The following PCDHGA11 variants were observed in gnomAD, a reference collection of about 807,000 sequenced individuals.
PCDHGA11 encodes the protein protocadherin gamma subfamily A, 11, also known as protocadherin gamma-A11.
PCDHGA11 carries 39 observed loss-of-function variants against 60.4 expected under a neutral mutation model. The observed-to-expected ratio is 0.65, with a 90% CI of 0.50 to 0.84. The LOEUF is 0.84. Ranked by LOEUF, PCDHGA11 falls within the 40% of genes least tolerant of loss-of-function variation. The pLI is 0.00. For synonymous variants in PCDHGA11, 533 were observed against 510.3 expected, an observed-to-expected ratio of 1.04 and a Z score of -0.60; for missense variants, 1,165 against 1,197.7, an observed-to-expected ratio of 0.97 and a Z score of 0.40.
chr5:141,460,938 A>G (rs532872249), intron 1 of PCDHGA11, among the ~76,000 whole-genome samples: 38 of 149,918 alleles, frequency 2.5e-4, no homozygotes, highest in African/African-American at 9.1e-4. Context: ...GTGTGTGTAT[A>G]TATATGTATT....
Position 141,422,395 on chromosome 5 carries a change from C to T in PCDHGA11, c.1168C>T (p.His390Tyr). Residue 390 changes from histidine to tyrosine, a missense_variant, in exon 1 of 4, where the codon CAC (histidine) becomes TAC (tyrosine). Physicochemically the swap from His to Tyr is moderately conservative, Grantham distance 83. Transcript: ENST00000398587. ...NGQVSCFIPN[H>Y]LPFKLEKTYG... is the part of the protein sequence containing the mutation. Reference sequence around the variant, plus strand: ...TCAAGTCTCCTGTTTTATTCCTAACCACCTGCCTTTTAAATTAGAAAAGAC... The same window carrying T: ...TCAAGTCTCCTGTTTTATTCCTAACTACCTGCCTTTTAAATTAGAAAAGAC... 3 of 1,596,286 alleles carry T rather than the reference C, an allele frequency of 1.9e-6. No homozygotes were observed. The highest frequency in any genetic ancestry group is 1.1e-5 in the South Asian group (1 of 87,102).
chr5:141,425,566 G>T (rs532293951), intron 1 of PCDHGA11, among the ~76,000 whole-genome samples: 1 of 152,348 alleles, frequency 6.6e-6, no homozygotes, highest in Admixed American at 6.5e-5. Context: ...TAAGTGATAA[G>T]AAGGGTTTGG....
In PCDHGA11 at chr5:141,422,898, C is replaced by CTCTG. The variant is rs747261683; in HGVS notation, c.1671_1672insTCTG (p.Asp558SerfsTer55). 4 of 1,614,250 alleles carry CTCTG rather than the reference C, an allele frequency of 2.5e-6. No homozygotes were observed. Among genetic ancestry groups the CTCTG allele is most frequent in the Non-Finnish European group, 3.4e-6 (4 of 1,180,046 alleles). Reference sequence around the variant, plus strand: ...TGAGCCTGTTCGTGCTGGACCAGAACGACAATGCGCCCGAGATCCTGTACC... The same window carrying CTCTG: ...TGAGCCTGTTCGTGCTGGACCAGAACTCTGGACAATGCGCCCGAGATCCTGTACC... On this transcript the variant is annotated frameshift_variant, in exon 1 of 4. Coordinates refer to ENST00000398587, the MANE Select transcript of PCDHGA11 (RefSeq NM_018914.3). LOFTEE classifies it high-confidence loss of function.
chr5:141,460,995 A>ATG lies in PCDHGA11; in HGVS notation c.2434-33808_2434-33807dup, dbSNP rs1561986931. Among the ~76,000 whole-genome samples the ATG allele has an allele frequency of 5.3e-5, 8 of 150,188 alleles. No homozygotes were observed. The East Asian group carries it at 1.4e-3, about 26-fold the overall frequency. On this transcript the variant is annotated intron_variant, in intron 1 of 3. Transcript: ENST00000398587. ...TGTGTGTGTGTGTGTATATATATAT[A>ATG]TGTGTATATATATATACCACATTTT...
chr5:141,427,626 C>T, intron 1 of PCDHGA11: 1 of 699,934 alleles, frequency 1.4e-6, no homozygotes, highest in Non-Finnish European at 2.6e-6. Flanking sequence ...CGACAATGCT[C>T]CGGTTTTCCA....
chr5:141,454,956 G>A (rs62379171), intron 1 of PCDHGA11, among the ~76,000 whole-genome samples: 5,077 of 149,940 alleles, frequency 0.034, 97 homozygotes, highest in Middle Eastern at 0.091. Context: ...TACAGGCGCC[G>A]GCCACCACGC....
chr5:141,480,077 C>T (rs767048249), intron 1 of PCDHGA11, among the ~76,000 whole-genome samples: 2 of 152,142 alleles, frequency 1.3e-5, no homozygotes, highest in Non-Finnish European at 2.9e-5. Flanking sequence ...AAGATTCATG[C>T]ATGATATAAT....
chr5:141,463,500 G>A (rs866521006), intron 1 of PCDHGA11, among the ~76,000 whole-genome samples: 30 of 139,838 alleles, frequency 2.1e-4, no homozygotes, highest in African/African-American at 7.0e-4. Context: ...CCAGGCTGGA[G>A]TGACGTGGCG....
intron 1 of PCDHGA11, among the ~76,000 whole-genome samples, chr5:141,461,886 C>T (rs944110458): frequency 3.3e-5 from 5 of 151,972 alleles, no homozygotes; most frequent in South Asian, 2.1e-4. Context: ...TGCAATGGCA[C>T]GATCTCGGCT....
chr5:141,502,475 A>G (rs1246548191), intron 2 of PCDHGA11, among the ~76,000 whole-genome samples: 1 of 150,884 alleles, frequency 6.6e-6, no homozygotes, highest in Non-Finnish European at 1.5e-5. Context: ...TTCCCGCAGC[A>G]TCACACTGGG....
chr5:141,512,866 AC>A lies in PCDHGA11; in HGVS notation c.*1694del. Reference sequence around the variant, plus strand: ...TATAAGCGCTTCTCTTCGCATAGTCACGTAGCTCCCACCCCACCCTCTTCCT... The same window carrying A: ...TATAAGCGCTTCTCTTCGCATAGTCAGTAGCTCCCACCCCACCCTCTTCCT... On this transcript the variant is annotated 3_prime_UTR_variant, in exon 4 of 4. Transcript: ENST00000398587. 1 of 152,098 alleles carries A rather than the reference AC, an allele frequency of 6.6e-6. No homozygotes were observed. Among genetic ancestry groups the A allele is most frequent in the Non-Finnish European group, 1.5e-5 (1 of 68,034 alleles). 9.4% of individuals were successfully genotyped at this position (152,098 alleles called of 1,614,324 possible).
At chr5:141,460,132 T>TAAAA in intron 1 of PCDHGA11, among the ~76,000 whole-genome samples, 1 of 152,036 alleles carries the variant, frequency 6.6e-6, no homozygotes, top group South Asian at 2.1e-4. Context: ...GTAATATATA[T>TAAAA]ATTCTTGATG....
chr5:141,423,159 G>A lies in PCDHGA11; in HGVS notation c.1932G>A (p.Val644=), dbSNP rs750186629. The change falls in exon 1 of 4, where the codon GTG becomes GTA. Residue 644 remains valine, a synonymous_variant. Transcript: ENST00000398587. Reference sequence around the variant, plus strand: ...GAGACGCGCTCAAGCAGAGCCTCGTGGTGGCCGTCCAGGACCACGGCCAGC... The same window carrying A: ...GAGACGCGCTCAAGCAGAGCCTCGTAGTGGCCGTCCAGGACCACGGCCAGC... ...LDRDALKQSL[V]VAVQDHGQPP... is the part of the protein sequence containing the mutation. The A allele has an allele frequency of 1.9e-5, 31 of 1,610,746 alleles. 1 individual carries two copies. The highest frequency in any genetic ancestry group is 3.3e-4 in the Middle Eastern group (2 of 6,080).
intron 1 of PCDHGA11, chr5:141,475,916 G>C (rs1396506642): frequency 1.7e-6 from 1 of 595,408 alleles, no homozygotes; most frequent in Non-Finnish European, 2.9e-6. Flanking sequence ...CAATGAAGAC[G>C]CTGGAGATCG....
chr5:141,499,689 CTTTTTTTTTTTT>C (rs545067566), intron 2 of PCDHGA11, among the ~76,000 whole-genome samples: 1 of 119,856 alleles, frequency 8.3e-6, no homozygotes, highest in Non-Finnish European at 1.7e-5. Flanking sequence ...TAACAGATGA[CTTTTTTTTTTTT>C]TTTTTTTTTT....
intron 3 of PCDHGA11, among the ~76,000 whole-genome samples, chr5:141,510,533 C>A (rs1366903068): frequency 6.6e-6 from 1 of 152,118 alleles, no homozygotes; most frequent in Non-Finnish European, 1.5e-5. Flanking sequence ...GAGAGAAATA[C>A]CAGCGAATGT....
At chr5:141,460,459 T>A (rs2098989808) in intron 1 of PCDHGA11, among the ~76,000 whole-genome samples, 1 of 152,176 alleles carries the variant, frequency 6.6e-6, no homozygotes, top group South Asian at 2.1e-4. Flanking sequence ...ATTCATATTT[T>A]TTTCCAAAGG....
chr5:141,432,632 G>A lies in PCDHGA11; in HGVS notation c.2433+8972G>A. 3.7e-6 allele frequency: 6 copies of A among 1,612,834 alleles called. No individual in the cohort carries two copies. The highest frequency in any genetic ancestry group is 5.1e-6 in the Non-Finnish European group (6 of 1,179,706). On this transcript the variant is annotated intron_variant, in intron 1 of 3. Coordinates refer to ENST00000398587, the MANE Select transcript of PCDHGA11 (RefSeq NM_018914.3). The surrounding 1 kb of genome is among the most constrained non-coding windows in gnomAD (Gnocchi z 6.0). ...CTTCTCGGTGGGTCTGCACACGGGC[G>A]AGGTGCGCACGGCGCGAGCCCTGCT...
Position 141,476,793 on chromosome 5 carries a change from C to T in PCDHGA11, c.2434-18014C>T, listed in dbSNP as rs754785656. ...GACGGAGGGACCCCAGCTCTCTCCG[C>T]CAGCCTGCCTATTCACATCAAGGTG... On this transcript the variant is annotated intron_variant, in intron 1 of 3. Transcript: ENST00000398587. The surrounding 1 kb of genome is among the most constrained non-coding windows in gnomAD (Gnocchi z 7.6). 1.2e-6 allele frequency: 2 copies of T among 1,613,642 alleles called. No homozygotes were observed. The highest frequency in any genetic ancestry group is 2.2e-5 in the East Asian group (1 of 44,868).
Sources: allele counts gnomAD v4.1 joint callset (sites outside exome capture counted in the v4.1 genomes callset), GRCh38; gene constraint gnomAD v4.1.1; non-coding constraint Gnocchi (gnomAD v3.1); transcripts MANE v1.5; gene names NCBI Gene and HGNC (gene_info 2026-07-23, HGNC 2026-07-21).